TMEM132B: variants seen among roughly 807,000 people sequenced by gnomAD.
TMEM132B encodes the protein transmembrane protein 132B.
A neutral mutation model predicts 90.8 loss-of-function variants in TMEM132B; 18 were observed. The observed-to-expected ratio is 0.20, with a 90% confidence interval of 0.14 to 0.29. The LOEUF is 0.29. Among genes scored for constraint, TMEM132B ranks in the 10% least tolerant of loss-of-function variants. The probability of loss-of-function intolerance (pLI) is 1.00; values close to 1 mark genes in which losing one functional copy is unlikely to be tolerated. For missense variants in TMEM132B, 1,096 were observed against 1,326.8 expected (o/e 0.83, Z 2.70); for synonymous variants, 504 against 523.3 (o/e 0.96, Z 0.50).
chr12:125,312,295 G>A (rs893708408), intron 1 of TMEM132B, among the ~76,000 whole-genome samples: 10 of 152,170 alleles, frequency 6.6e-5, no homozygotes, highest in Admixed American at 3.3e-4. Flanking sequence ...CCCAGCAGGC[G>A]CTCCTTCCAG....
chr12:125,537,801 C>T (rs932416974), intron 4 of TMEM132B, among the ~76,000 whole-genome samples: 3 of 152,196 alleles, frequency 2.0e-5, no homozygotes, highest in African/African-American at 7.2e-5. Flanking sequence ...GCCAGGCCAA[C>T]CTGGCTTCAA....
Position 125,350,047 on chromosome 12 carries a change from G to A in TMEM132B, c.663G>A (p.Glu221=). ...CCCTGCTCGGGGGCACCACGATGGAGCTCTTCTTCACGCTCTACCCAGCTG... is the reference window on the plus strand; with the variant it reads ...CCCTGCTCGGGGGCACCACGATGGAACTCTTCTTCACGCTCTACCCAGCTG... The part of the protein sequence containing the change: ...IPALLGGTTM[E]LFFTLYPADK... The change falls in exon 2 of 9, where the codon GAG becomes GAA. Residue 221 remains glutamate, a synonymous_variant. Coordinates refer to ENST00000682704, the MANE Select transcript of TMEM132B (RefSeq NM_001366854.1). 1 of 1,614,220 alleles carries A rather than the reference G, an allele frequency of 6.2e-7. No individual in the cohort carries two copies. The highest frequency in any genetic ancestry group is 8.5e-7 in the Non-Finnish European group (1 of 1,180,044).
chr12:125,413,325 C>T (rs564155346), intron 2 of TMEM132B, among the ~76,000 whole-genome samples: 1 of 151,898 alleles, frequency 6.6e-6, no homozygotes, highest in African/African-American at 2.4e-5. Context: ...TTTTTTCCCC[C>T]ATCTTCTTTT....
chr12:125,419,268 A>G (rs556339761), intron 3 of TMEM132B, among the ~76,000 whole-genome samples: 1 of 152,348 alleles, frequency 6.6e-6, no homozygotes, highest in South Asian at 2.1e-4. Context: ...AGGGTACTGT[A>G]TTAGTCTGTT....
chr12:125,352,111 G>T (rs78119495), intron 2 of TMEM132B, among the ~76,000 whole-genome samples: 1 of 152,278 alleles, frequency 6.6e-6, no homozygotes, highest in African/African-American at 2.4e-5. Context: ...GTTCTAGACT[G>T]TGAGGTTCAA....
chr12:125,270,841 A>G (rs545199314), intron 1 of TMEM132B, among the ~76,000 whole-genome samples: 3 of 152,260 alleles, frequency 2.0e-5, no homozygotes, highest in East Asian at 3.9e-4. Context: ...CATGTGCCCA[A>G]CTTCTTACAG....
chr12:125,249,971 C>T (rs1874283148), intron 1 of TMEM132B, among the ~76,000 whole-genome samples: 3 of 152,200 alleles, frequency 2.0e-5, no homozygotes, highest in African/African-American at 7.2e-5. Context: ...GGCTGAGTTC[C>T]CAGGAGGAAG....
intron 5 of TMEM132B, among the ~76,000 whole-genome samples, chr12:125,641,639 A>G (rs1255429074): frequency 3.3e-5 from 5 of 152,222 alleles, no homozygotes; most frequent in Admixed American, 3.3e-4. Context: ...TGAGCTATAC[A>G]TCACTTCCTA....
intron 1 of TMEM132B, among the ~76,000 whole-genome samples, chr12:125,269,970 A>G (rs1874788488): frequency 6.6e-6 from 1 of 151,884 alleles, no homozygotes; most frequent in Non-Finnish European, 1.5e-5. Flanking sequence ...ACTTGAGCCC[A>G]GGAGTTCGAG....
At chr12:125,376,419 C>T (rs565719124) in intron 2 of TMEM132B, among the ~76,000 whole-genome samples, 6 of 152,096 alleles carry the variant, frequency 3.9e-5, no homozygotes, top group Admixed American at 1.3e-4. Context: ...TGACAGGGCA[C>T]GGGATGCCTG....
chr12:125,320,754 G>T (rs1254536741), intron 1 of TMEM132B, among the ~76,000 whole-genome samples: 2 of 152,212 alleles, frequency 1.3e-5, no homozygotes, highest in Non-Finnish European at 2.9e-5. Flanking sequence ...AAGGGAAAAT[G>T]CACTGGGGTC....
At chr12:125,626,326 T>C (rs1198952334) in intron 5 of TMEM132B, among the ~76,000 whole-genome samples, 2 of 152,214 alleles carry the variant, frequency 1.3e-5, no homozygotes, top group African/African-American at 4.8e-5. Flanking sequence ...TTGGCTACTG[T>C]GAACAGTGCT....
At chr12:125,494,674 C>T (rs1392419956) in intron 3 of TMEM132B, among the ~76,000 whole-genome samples, 1 of 131,742 alleles carries the variant, frequency 7.6e-6, no homozygotes, top group East Asian at 2.6e-4. Flanking sequence ...TGGATGTGTC[C>T]CTCCTCCCCT....
chr12:125,302,128 A>C (rs1276811763), intron 1 of TMEM132B, among the ~76,000 whole-genome samples: 1 of 152,102 alleles, frequency 6.6e-6, no homozygotes, highest in Non-Finnish European at 1.5e-5. Context: ...TGAACCTGGG[A>C]GGCGGAGGTT....
intron 4 of TMEM132B, among the ~76,000 whole-genome samples, chr12:125,580,715 G>A (rs545984089): frequency 3.3e-5 from 5 of 152,052 alleles, no homozygotes; most frequent in Non-Finnish European, 7.4e-5. Context: ...TAAAAAAGTT[G>A]ATCTTGACAG....
At chr12:125,233,354 T>G (rs958172336) in intron 1 of TMEM132B, among the ~76,000 whole-genome samples, 1 of 152,242 alleles carries the variant, frequency 6.6e-6, no homozygotes, top group Non-Finnish European at 1.5e-5. Flanking sequence ...GGCTTGTGAC[T>G]TCCATCCTCA....
chr12:125,335,819 T>G (rs945405401), intron 1 of TMEM132B, among the ~76,000 whole-genome samples: 13 of 152,210 alleles, frequency 8.5e-5, no homozygotes, highest in African/African-American at 3.1e-4. Context: ...AAACCCTGTC[T>G]CTACTAAAAA....
At chr12:125,323,999 C>T (rs1876494911) in intron 1 of TMEM132B, among the ~76,000 whole-genome samples, 1 of 152,088 alleles carries the variant, frequency 6.6e-6, no homozygotes, top group Admixed American at 6.5e-5. Flanking sequence ...ACAAACCCCC[C>T]AACCGTGAAA....
chr12:125,258,683 T>C (rs1163722448), intron 1 of TMEM132B, among the ~76,000 whole-genome samples: 1 of 152,014 alleles, frequency 6.6e-6, no homozygotes, highest in East Asian at 1.9e-4. Context: ...CACTTCTTGG[T>C]GGGAAGAATG....
Sources: gnomAD v4.1 joint callset for allele counts (sites outside exome capture counted in the v4.1 genomes callset) on GRCh38, gnomAD v4.1.1 for gene constraint, MANE v1.5 for transcripts, NCBI Gene and HGNC (gene_info 2026-07-23, HGNC 2026-07-21) for gene names.